UBE3B: variants seen among roughly 807,000 people sequenced by gnomAD.
UBE3B encodes the protein ubiquitin protein ligase E3B.
UBE3B carries 80 observed loss-of-function variants against 132.3 expected under a neutral mutation model. That is an observed-to-expected ratio of 0.60 (90% CI 0.50 to 0.73). The LOEUF (loss-of-function observed/expected upper bound fraction) is 0.73, where lower values mean the gene tolerates loss of function less well. UBE3B is among the 30% of genes least tolerant of loss of function. The probability of loss-of-function intolerance (pLI) is 0.00; values close to 1 mark genes in which losing one functional copy is unlikely to be tolerated. For missense variants in UBE3B, 1,196 were observed against 1,362.5 expected (o/e 0.88, Z 1.92); for synonymous variants, 487 against 520.4 (o/e 0.94, Z 0.87).
At chr12:109,484,109 T>TA in intron 4 of UBE3B, 128 bp downstream of exon 4, 6 of 1,048,314 alleles carry the variant, frequency 5.7e-6, no homozygotes, top group Non-Finnish European at 8.0e-6. Context: ...CTGTCCCTTT[T>TA]GTTTTCTTGG....
chr12:109,499,872 C>T, intron 12 of UBE3B, 62 bp downstream of exon 12: 2 of 1,406,316 alleles, frequency 1.4e-6, no homozygotes, highest in South Asian at 1.7e-5. Flanking sequence ...CTTCTTCCTT[C>T]TTTCTTTCTT....
intron 14 of UBE3B, among the ~76,000 whole-genome samples, chr12:109,504,806 CT>C (rs34032359): frequency 0.18 from 25,019 of 141,888 alleles, 2,162 homozygotes; most frequent in African/African-American, 0.19. Context: ...TTGTGTCCAG[CT>C]TTTTTTTTTT....
chr12:109,488,502 T>C (rs1034434685), intron 6 of UBE3B, 70 bp from the exon 7 acceptor site: 12 of 1,403,416 alleles, frequency 8.6e-6, no homozygotes, highest in African/African-American at 1.4e-5. Flanking sequence ...AGAGCAGTTG[T>C]AAAGTGAACA....
chr12:109,498,109 TTTC>T, intron 10 of UBE3B, 121 bp from the exon 11 acceptor site: 1 of 1,452,172 alleles, frequency 6.9e-7, no homozygotes, highest in East Asian at 2.3e-5. Context: ...GTCTGTCCAT[TTTC>T]TTCTTGGTGT....
rs1261404478 is a variant in UBE3B at position 109,521,490 on chromosome 12, A to G, written c.2303A>G (p.His768Arg). ...RLYPSPTSYI[H>R]ENYLQLFEFV... Reference sequence around the variant, plus strand: ...TACCCCTCACCCACATCCTACATCCATGAGAATTACCTGCAGCTCTTCGAG... The same window carrying G: ...TACCCCTCACCCACATCCTACATCCGTGAGAATTACCTGCAGCTCTTCGAG... The change falls in exon 21 of 28, where the codon CAT becomes CGT. Residue 768 changes from histidine to arginine, a missense_variant. Coordinates refer to ENST00000342494, the MANE Select transcript of UBE3B (RefSeq NM_130466.4). This position sits in a 1 kb window ranked among gnomAD's most constrained non-coding sequence, Gnocchi z 4.2. 5.0e-6 allele frequency: 8 copies of G among 1,601,996 alleles called. No homozygotes were observed. The highest frequency in any genetic ancestry group is 1.3e-5 in the African/African-American group (1 of 74,672).
intron 22 of UBE3B, 141 bp downstream of exon 22, chr12:109,524,256 T>C (rs1882049062): frequency 8.7e-6 from 12 of 1,374,302 alleles, no homozygotes; most frequent in Non-Finnish European, 9.0e-6. Context: ...CTGTGGGCAG[T>C]CCCACTTGGG....
Position 109,501,530 on chromosome 12 carries a change from G to A in UBE3B, c.1278G>A (p.Val426=), listed in dbSNP as rs1439358060. ...QPASPQNVLP[V]KSLLKRAFQK... ...CATCCCCTCAGAATGTGCTCCCAGT[G>A]AAGAGTGAGTGACGGGAGCAGGCCC... is the stretch of plus-strand genomic sequence containing the variant. Residue 426 remains valine, a synonymous_variant, in exon 13 of 28, where the codon GTG becomes GTA. Transcript: ENST00000342494. 6.2e-7 allele frequency: 1 copy of A among 1,613,388 alleles called. No homozygotes were observed. The highest frequency in any genetic ancestry group is 8.5e-7 in the Non-Finnish European group (1 of 1,179,702).
At chr12:109,490,198 G>A in intron 8 of UBE3B, 194 bp downstream of exon 8, 1 of 856,708 alleles carries the variant, frequency 1.2e-6, no homozygotes, top group Non-Finnish European at 1.9e-6. Flanking sequence ...GAGGACAGTG[G>A]TGCTGGGATC....
intron 24 of UBE3B, among the ~76,000 whole-genome samples, chr12:109,526,630 T>C (rs1882363174): frequency 6.6e-6 from 1 of 152,156 alleles, no homozygotes; most frequent in Non-Finnish European, 1.5e-5. Flanking sequence ...CCCAGCACTT[T>C]GTTAGGCCGA....
chr12:109,500,464 G>T (rs1878824534), intron 12 of UBE3B, among the ~76,000 whole-genome samples: 1 of 152,180 alleles, frequency 6.6e-6, no homozygotes, highest in Admixed American at 6.5e-5. Context: ...AAAACTAAAG[G>T]CCTGGGGAGG....
rs1566074156 is a variant in UBE3B at position 109,486,576 on chromosome 12, GTAACAAAA to G, written c.447+2_447+9del. On this transcript the variant is annotated splice_donor_variant and splice_donor_5th_base_variant and intron_variant, in intron 6 of 27. Transcript: ENST00000342494. LOFTEE classifies it high-confidence loss of function. Reference sequence around the variant, plus strand: ...CTGTGATTTTCTCAAGCAGCTCAAGGTAACAAAAAAAAAAAAAAAAAAAAAAAGCAAAA... The same window carrying G: ...CTGTGATTTTCTCAAGCAGCTCAAGGAAAAAAAAAAAAAAAAAAAGCAAAA... The G allele has an allele frequency of 5.2e-6, 3 of 577,582 alleles. No homozygotes were observed. Among genetic ancestry groups the G allele is most frequent in the Non-Finnish European group, 2.5e-6 (1 of 392,266 alleles). The allele number at this position is 577,582 out of a possible 1,614,324, so 35.8% of individuals were successfully genotyped here.
chr12:109,539,578 G>C (rs1187321643), downstream of UBE3B, among the ~76,000 whole-genome samples: 2 of 152,214 alleles, frequency 1.3e-5, no homozygotes, highest in Admixed American at 1.3e-4. Flanking sequence ...ATGCAGTCTT[G>C]CCGTGAACCA....
chr12:109,536,996 C>T (rs892767192), downstream of UBE3B, among the ~76,000 whole-genome samples: 5 of 152,200 alleles, frequency 3.3e-5, no homozygotes, highest in Non-Finnish European at 5.9e-5. Flanking sequence ...TCTTTGCAGT[C>T]CATGTTTTAC....
At chr12:109,518,802 T>G (rs1001274038) in intron 19 of UBE3B, among the ~76,000 whole-genome samples, 2 of 152,380 alleles carry the variant, frequency 1.3e-5, no homozygotes, top group African/African-American at 4.8e-5. Flanking sequence ...TGTCTTAGGC[T>G]TTAGGCAAAG....
At chr12:109,509,821 A>G in intron 16 of UBE3B, 107 bp downstream of exon 16, 1 of 705,790 alleles carries the variant, frequency 1.4e-6, no homozygotes, top group Non-Finnish European at 2.4e-6. Flanking sequence ...CCAAGTTAAT[A>G]GAAGGTGCAC....
At chr12:109,526,613 C>T (rs1376401648) in intron 24 of UBE3B, among the ~76,000 whole-genome samples, 197 bp downstream of exon 24, 2 of 152,192 alleles carry the variant, frequency 1.3e-5, no homozygotes, top group African/African-American at 4.8e-5. Flanking sequence ...TGGCTCATGC[C>T]TATAATCCCA....
In UBE3B at chr12:109,477,661, T is replaced by G; in HGVS notation, c.-576T>G. On this transcript the variant is annotated 5_prime_UTR_variant, in exon 1 of 28. Coordinates refer to ENST00000342494, the MANE Select transcript of UBE3B (RefSeq NM_130466.4). ...ACACCGCGGGGCAAGATGGCGGTAG[T>G]GCGTCGGCTGCTGCCCCGGGTCTGG... The G allele has an allele frequency of 4.7e-6, 1 of 214,234 alleles. No homozygotes were observed. The allele number at this position is 214,234 out of a possible 1,614,324, so 13.3% of individuals were successfully genotyped here.
intron 21 of UBE3B, 104 bp from the exon 22 acceptor site, chr12:109,523,874 T>C (rs950049840): frequency 1.3e-6 from 2 of 1,513,256 alleles, no homozygotes; most frequent in African/African-American, 2.8e-5. Context: ...GGCCTGGAAA[T>C]GCCGATGGCA....
chr12:109,497,864 C>G lies in UBE3B; in HGVS notation c.760C>G (p.Leu254Val). Reference sequence around the variant, plus strand: ...CTCAGACAATCTGATTCGGCCGTTCCTCATCCACATCATGTCTGTGCCTGC... The same window carrying G: ...CTCAGACAATCTGATTCGGCCGTTCGTCATCCACATCATGTCTGTGCCTGC... Reference protein sequence around the residue: ...QFSDNLIRPFLIHIMSVPALV... With the variant: ...QFSDNLIRPFVIHIMSVPALV... The change falls in exon 10 of 28, where the codon CTC becomes GTC. Residue 254 changes from leucine to valine, a missense_variant. Physicochemically the swap from Leu to Val is conservative, Grantham distance 32. Coordinates refer to ENST00000342494, the MANE Select transcript of UBE3B (RefSeq NM_130466.4). 1 of 1,614,208 alleles carries G rather than the reference C, an allele frequency of 6.2e-7. No homozygotes were observed.
Sources: gnomAD v4.1 joint callset for allele counts (sites outside exome capture counted in the v4.1 genomes callset) on GRCh38, gnomAD v4.1.1 for gene constraint, Gnocchi (gnomAD v3.1) non-coding constraint, MANE v1.5 for transcripts, NCBI Gene and HGNC (gene_info 2026-07-23, HGNC 2026-07-21) for gene names.